The following ELAPOR2 variants were observed in gnomAD, a reference collection of about 807,000 sequenced individuals.
ELAPOR2 encodes the protein endosome/lysosome-associated apoptosis and autophagy regulator family member 2.
Under a neutral mutation model 120.7 loss-of-function variants are expected in ELAPOR2, and 89 were observed. The observed-to-expected ratio is 0.74, with a 90% CI of 0.62 to 0.88. The LOEUF is 0.88. ELAPOR2 is among the 40% of genes least tolerant of loss of function. The pLI is 0.00. For synonymous variants in ELAPOR2, 444 were observed against 444.9 expected (o/e 1.00, Z 0.03); for missense variants, 1,134 against 1,251.6 (o/e 0.91, Z 1.42).
At chr7:87,004,796 A>G (rs1635022) in intron 1 of ELAPOR2, among the ~76,000 whole-genome samples, 57,506 of 152,010 alleles carry the variant, frequency 0.38, 11,726 homozygotes, top group African/African-American at 0.53. Flanking sequence ...ACTGCTATGC[A>G]TAAAAGAGAA....
intron 1 of ELAPOR2, among the ~76,000 whole-genome samples, chr7:86,973,172 A>T (rs2116516909): frequency 6.6e-6 from 1 of 152,260 alleles, no homozygotes; most frequent in African/African-American, 2.4e-5. Context: ...TCATTATGTC[A>T]TCCTTGCTCA....
intron 1 of ELAPOR2, among the ~76,000 whole-genome samples, chr7:86,981,175 G>T (rs1767709): frequency 6.6e-6 from 1 of 151,940 alleles, no homozygotes; most frequent in Non-Finnish European, 1.5e-5. Flanking sequence ...TTCTGTTGTC[G>T]GTTCCCTTAA....
intron 1 of ELAPOR2, among the ~76,000 whole-genome samples, chr7:86,992,235 C>T (rs1325548475): frequency 6.6e-6 from 1 of 152,044 alleles, no homozygotes; most frequent in East Asian, 1.9e-4. Context: ...AGACACCCAA[C>T]CCCCAACCTG....
intron 4 of ELAPOR2, 32 bp from the exon 5 acceptor site, chr7:86,942,136 T>G: frequency 7.9e-7 from 1 of 1,269,496 alleles, no homozygotes; most frequent in Admixed American, 2.0e-5. Flanking sequence ...CCTAGTAAAG[T>G]GTCTTGAATA....
At chr7:86,913,275 T>C in intron 13 of ELAPOR2, 71 bp from the exon 14 acceptor site, 2 of 1,451,490 alleles carry the variant, frequency 1.4e-6, no homozygotes, top group Non-Finnish European at 1.9e-6. Context: ...ATGTCTTCTG[T>C]TGACATCATC....
rs1455265939 is a variant in ELAPOR2 at position 86,939,941 on chromosome 7, C to T, written c.847+69G>A. On this transcript the variant is annotated intron_variant, in intron 6 of 21. Coordinates refer to ENST00000450689, the MANE Select transcript of ELAPOR2 (RefSeq NM_001142749.3). ...AATCTTTGAGCCAGCCAAACCAAAA[C>T]TTTAATAAATATTTTAACTAACTGT... 7.8e-6 allele frequency: 8 copies of T among 1,032,110 alleles called. No individual in the cohort carries two copies. The Admixed American group carries it at 1.4e-4, about 17-fold the overall frequency. The allele number at this position is 1,032,110 out of a possible 1,614,324, so 63.9% of individuals were successfully genotyped here.
intron 18 of ELAPOR2, among the ~76,000 whole-genome samples, chr7:86,902,874 G>A (rs998291963): frequency 5.3e-5 from 8 of 152,114 alleles, no homozygotes; most frequent in Non-Finnish European, 8.8e-5. Context: ...CAAAGTGTCT[G>A]CAACCCTACT....
Position 86,892,954 on chromosome 7 carries a change from A to G in ELAPOR2, c.2832T>C (p.Ala944=). The G allele has an allele frequency of 6.4e-7, 1 of 1,573,752 alleles. No homozygotes were observed. The highest frequency in any genetic ancestry group is 1.2e-5 in the South Asian group (1 of 83,684). The change falls in exon 20 of 22, where the codon GCT becomes GCC. Residue 944 remains alanine (A), a synonymous_variant. Coordinates refer to ENST00000450689, the MANE Select transcript of ELAPOR2 (RefSeq NM_001142749.3). ...TCTTTTTCCAGAAGTAGCAGGTCAG[A>G]GCCACCAGCAAAACGGCAGTAAAAG... The part of the protein sequence containing the change: ...VGAFTAVLLV[A]LTCYFWKKNQ...
intron 1 of ELAPOR2, among the ~76,000 whole-genome samples, chr7:87,042,096 C>A (rs1449027662): frequency 1.3e-5 from 2 of 149,642 alleles, no homozygotes; most frequent in South Asian, 4.3e-4. Context: ...TACAGGAGCA[C>A]CAAGATTCAT....
chr7:86,961,300 A>C (rs1158938146), intron 2 of ELAPOR2, among the ~76,000 whole-genome samples: 1 of 152,200 alleles, frequency 6.6e-6, no homozygotes, highest in Non-Finnish European at 1.5e-5. Flanking sequence ...TTAATGGAAA[A>C]AATAGGAAAA....
At chr7:86,992,933 C>T (rs1792992627) in intron 1 of ELAPOR2, among the ~76,000 whole-genome samples, 2 of 152,070 alleles carry the variant, frequency 1.3e-5, no homozygotes, top group Non-Finnish European at 2.9e-5. Flanking sequence ...TACAGAGATT[C>T]ACTGAAAGTA....
At chr7:86,902,898 G>A (rs1788789162) in intron 18 of ELAPOR2, among the ~76,000 whole-genome samples, 1 of 152,090 alleles carries the variant, frequency 6.6e-6, no homozygotes, top group African/African-American at 2.4e-5. Flanking sequence ...TCCTGGATGT[G>A]TGACAAGAAC....
chr7:86,894,324 T>C (rs938827486), intron 19 of ELAPOR2, among the ~76,000 whole-genome samples: 2 of 152,084 alleles, frequency 1.3e-5, no homozygotes, highest in Non-Finnish European at 2.9e-5. Context: ...ATGTGGGAAA[T>C]GCTGAGGCAT....
intron 1 of ELAPOR2, among the ~76,000 whole-genome samples, chr7:87,025,297 T>C (rs1794208152): frequency 6.6e-6 from 1 of 152,098 alleles, no homozygotes; most frequent in Non-Finnish European, 1.5e-5. Context: ...AGTATGACCA[T>C]ATTGGACAGG....
intron 18 of ELAPOR2, among the ~76,000 whole-genome samples, chr7:86,905,089 A>AGGAAGGAG (rs1788919528): frequency 7.0e-6 from 1 of 143,022 alleles, no homozygotes; most frequent in Non-Finnish European, 1.5e-5. Context: ...GAAGGAAGGA[A>AGGAAGGAG]GGAAGGAAGG....
In ELAPOR2 at chr7:87,059,467, C is replaced by A. The variant is rs1315529320; in HGVS notation, c.47G>T (p.Arg16Leu). 8.2e-7 allele frequency: 1 copy of A among 1,218,854 alleles called. No individual in the cohort carries two copies. Among genetic ancestry groups the A allele is most frequent in the Non-Finnish European group, 1.0e-6 (1 of 977,854 alleles). The allele number at this position is 1,218,854 out of a possible 1,614,324, so 75.5% of individuals were successfully genotyped here. ...RGPVRGRGWG[R>L]PAEAPRRGRS... ...CCCGCGGCGGGGAGCCTCCGCCGGC[C>A]GCCCCCAGCCCCTGCCCCGTACCGG... The change falls in exon 1 of 22, where the codon CGG becomes CTG. Residue 16 changes from arginine (R) to leucine (L), a missense_variant. This residue lies in a region of ELAPOR2 where 280 missense variants were observed against 331.5 expected (regional missense o/e 0.84). Coordinates refer to ENST00000450689, the MANE Select transcript of ELAPOR2 (RefSeq NM_001142749.3).
Position 87,059,522 on chromosome 7 carries a change from G to C in ELAPOR2, c.-9C>G, listed in dbSNP as rs1348116487. 109 of 1,186,068 alleles carry C rather than the reference G, an allele frequency of 9.2e-5. 2 individuals carry two copies. Among genetic ancestry groups the C allele is most frequent in the Non-Finnish European group, 1.0e-6 (1 of 958,538 alleles). The allele number at this position is 1,186,068 out of a possible 1,614,324, so 73.5% of individuals were successfully genotyped here. A position where few individuals can be genotyped will look rare whatever the true frequency, so the allele number is the denominator to read the frequency against. Reference sequence around the variant, plus strand: ...CGGGCGCGGAACAGCATCTTCGTCCGGCCGCGGTCGGCGGGCCGGCGGCAA... The same window carrying C: ...CGGGCGCGGAACAGCATCTTCGTCCCGCCGCGGTCGGCGGGCCGGCGGCAA... On this transcript the variant is annotated 5_prime_UTR_variant, in exon 1 of 22. Transcript: ENST00000450689.
In ELAPOR2 at chr7:87,048,221, C is replaced by T. The variant is rs11764486; in HGVS notation, c.189+11104G>A. ...ATTGCACCACTGCACTCCAGCCTGG[C>T]GACAGAGTGAGACTTCATCTAGAAA... On this transcript the variant is annotated intron_variant, in intron 1 of 21. Coordinates refer to ENST00000450689, the MANE Select transcript of ELAPOR2 (RefSeq NM_001142749.3). Among the ~76,000 whole-genome samples the T allele has an allele frequency of 7.3e-3, 1,069 of 147,082 alleles. 8 individuals carry two copies. Among genetic ancestry groups the T allele is most frequent in the Middle Eastern group, 0.021 (6 of 282 alleles).
intron 1 of ELAPOR2, among the ~76,000 whole-genome samples, chr7:86,968,408 G>A (rs1222087249): frequency 2.0e-5 from 3 of 152,168 alleles, no homozygotes; most frequent in African/African-American, 7.2e-5. Context: ...AGGAGAATTC[G>A]AAGGACATAC....
Sources: allele counts gnomAD v4.1 joint callset (sites outside exome capture counted in the v4.1 genomes callset), GRCh38; gene constraint gnomAD v4.1.1; regional missense constraint gnomAD v4.1.1; transcripts MANE v1.5; gene names NCBI Gene and HGNC (gene_info 2026-07-23, HGNC 2026-07-21).